Variants in OTUD7A observed in about 807,000 individuals in gnomAD.
OTUD7A encodes the protein OTU domain-containing protein 7A.
A neutral mutation model predicts 65.7 loss-of-function variants in OTUD7A; 12 were observed. The ratio of observed to expected loss-of-function variants is 0.18; its 90% CI spans 0.12 to 0.30. The LOEUF (loss-of-function observed/expected upper bound fraction) is 0.30. Ranked by LOEUF, OTUD7A falls within the 10% of genes least tolerant of loss-of-function variation. OTUD7A has a pLI of 1.00. For missense variants in OTUD7A, 1,148 were observed against 1,304.8 expected (o/e 0.88, Z 1.85); for synonymous variants, 641 against 586.3 (o/e 1.09, Z -1.35).
At chr15:31,776,746 C>T (rs1229972087) in intron 1 of OTUD7A, among the ~76,000 whole-genome samples, 1 of 152,138 alleles carries the variant, frequency 6.6e-6, no homozygotes, top group Non-Finnish European at 1.5e-5. Flanking sequence ...CCTTACTCCT[C>T]AGGGGTGTGA....
At chr15:31,845,793 G>A (rs1595810408) in intron 1 of OTUD7A, among the ~76,000 whole-genome samples, 1 of 152,258 alleles carries the variant, frequency 6.6e-6, no homozygotes, top group Non-Finnish European at 1.5e-5. Context: ...GGGAGGGCCT[G>A]AGTGAGCATG....
chr15:31,580,542 A>G (rs1214843226), intron 3 of OTUD7A, among the ~76,000 whole-genome samples: 3 of 152,238 alleles, frequency 2.0e-5, no homozygotes, highest in Admixed American at 2.0e-4. Flanking sequence ...TAGTAAAGAC[A>G]TACCAAAGGC....
intron 5 of OTUD7A, among the ~76,000 whole-genome samples, chr15:31,535,445 G>C (rs1462440462): frequency 6.6e-6 from 1 of 152,126 alleles, no homozygotes; most frequent in Non-Finnish European, 1.5e-5. Context: ...AAATTACCCA[G>C]TCTGAGGTAG....
intron 1 of OTUD7A, among the ~76,000 whole-genome samples, chr15:31,809,029 C>G (rs1284493991): frequency 6.6e-6 from 1 of 152,164 alleles, no homozygotes; most frequent in Non-Finnish European, 1.5e-5. Context: ...CCAAGAAGTG[C>G]CTGGGGGACC....
At chr15:31,655,476 A>AGAAG (rs1258919647) in intron 2 of OTUD7A, 1 of 369,086 alleles carries the variant, frequency 2.7e-6, no homozygotes, top group Non-Finnish European at 4.8e-6. Context: ...GCCATGTGAG[A>AGAAG]GAAGGGGTAT....
intron 1 of OTUD7A, among the ~76,000 whole-genome samples, chr15:31,858,834 A>C (rs1472685529): frequency 6.6e-6 from 1 of 152,186 alleles, no homozygotes; most frequent in Non-Finnish European, 1.5e-5. Flanking sequence ...TCAGGGAGGC[A>C]GTGGTGGAGC....
intron 3 of OTUD7A, among the ~76,000 whole-genome samples, chr15:31,641,136 A>T (rs1370635619): frequency 6.6e-6 from 1 of 151,130 alleles, no homozygotes; most frequent in Non-Finnish European, 1.5e-5. Context: ...TGTTCTTGTG[A>T]ATAATGAGTG....
intron 5 of OTUD7A, 177 bp downstream of exon 5, chr15:31,558,792 C>G: frequency 1.5e-6 from 1 of 682,862 alleles, no homozygotes; most frequent in African/African-American, 1.8e-5. Flanking sequence ...CCAGCCCATG[C>G]TGGCTAGAAC....
At chr15:31,645,124 C>T (rs572504081) in intron 3 of OTUD7A, among the ~76,000 whole-genome samples, 16 of 152,342 alleles carry the variant, frequency 1.1e-4, no homozygotes, top group African/African-American at 3.8e-4. Flanking sequence ...TCTCCTTCCA[C>T]TGTGGAGTCA....
chr15:31,578,556 CT>C (rs33982900), intron 3 of OTUD7A, among the ~76,000 whole-genome samples: 165 of 146,188 alleles, frequency 1.1e-3, no homozygotes, highest in Middle Eastern at 3.5e-3. Context: ...AACCAATGTC[CT>C]TTTTTTTTTT....
intron 4 of OTUD7A, among the ~76,000 whole-genome samples, chr15:31,564,742 C>A (rs1888810873): frequency 6.6e-6 from 1 of 151,906 alleles, no homozygotes; most frequent in South Asian, 2.1e-4. Context: ...GACAGAGATT[C>A]TTGGATTGGA....
At chr15:31,633,450 T>G (rs1269582043) in intron 3 of OTUD7A, among the ~76,000 whole-genome samples, 1 of 152,190 alleles carries the variant, frequency 6.6e-6, no homozygotes, top group Non-Finnish European at 1.5e-5. Flanking sequence ...GGTACCTATT[T>G]TGAATGTATG....
intron 1 of OTUD7A, among the ~76,000 whole-genome samples, chr15:31,830,429 ATGGATCTG>A: frequency 6.6e-6 from 1 of 152,238 alleles, no homozygotes; most frequent in East Asian, 1.9e-4. Flanking sequence ...ACATGCCTGA[ATGGATCTG>A]TGTCTGACAA....
At chr15:31,843,372 C>T (rs1468031658) in intron 1 of OTUD7A, among the ~76,000 whole-genome samples, 1 of 149,378 alleles carries the variant, frequency 6.7e-6, no homozygotes, top group East Asian at 2.0e-4. Flanking sequence ...AGCCTTAACA[C>T]AGTCAGTCTT....
rs111779075 is a variant in OTUD7A at position 31,733,530 on chromosome 15, C to G, written c.-99-76453G>C. 3.2e-4 allele frequency among the ~76,000 whole-genome samples: 49 copies of G among 152,338 alleles called. 1 individual carries two copies. The highest frequency in any genetic ancestry group is 6.8e-3 in the Middle Eastern group (2 of 294). On this transcript the variant is annotated intron_variant, in intron 1 of 12. Coordinates refer to ENST00000307050, the MANE Select transcript of OTUD7A (RefSeq NM_001382637.1). Reference sequence around the variant, plus strand: ...AAACGCTTTTTCCTCTAGGAAGCACCCCCTGGCTGCCCAGACCAGGTCAGC... The same window carrying G: ...AAACGCTTTTTCCTCTAGGAAGCACGCCCTGGCTGCCCAGACCAGGTCAGC...
At chr15:31,622,313 C>T (rs1201221400) in intron 3 of OTUD7A, among the ~76,000 whole-genome samples, 1 of 152,090 alleles carries the variant, frequency 6.6e-6, no homozygotes, top group Non-Finnish European at 1.5e-5. Flanking sequence ...GTTGGCCTGC[C>T]TTGCTAGGTT....
intron 3 of OTUD7A, among the ~76,000 whole-genome samples, chr15:31,611,865 C>T (rs536570498): frequency 4.6e-5 from 7 of 152,206 alleles, no homozygotes; most frequent in Admixed American, 6.5e-5. Flanking sequence ...AACTATAGAC[C>T]GATATCCTTG....
In OTUD7A at chr15:31,526,331, A is replaced by T; in HGVS notation, c.893+18T>A. 6.4e-7 allele frequency: 1 copy of T among 1,567,970 alleles called. No homozygotes were observed. On this transcript the variant is annotated intron_variant, in intron 8 of 12. Transcript: ENST00000307050. The stretch of plus-strand genomic sequence containing the variant: ...GGAGCTGGAGGTGACTTCTGGGGAG[A>T]GCAGGGGCAGCACTTACCCCCCGCC...
chr15:31,769,245 G>A (rs1895168239), intron 1 of OTUD7A, among the ~76,000 whole-genome samples: 1 of 152,188 alleles, frequency 6.6e-6, no homozygotes, highest in African/African-American at 2.4e-5. Context: ...ATCAGATACA[G>A]TAGACTAGAA....
Sources: allele counts gnomAD v4.1 joint callset (sites outside exome capture counted in the v4.1 genomes callset), GRCh38; gene constraint gnomAD v4.1.1; transcripts MANE v1.5; gene names NCBI Gene and HGNC (gene_info 2026-07-23, HGNC 2026-07-21).